Variants in SLC20A2 observed in about 807,000 individuals in gnomAD.
SLC20A2 encodes solute carrier family 20 member 2.
In SLC20A2, 30 loss-of-function variants were observed where a neutral mutation model predicts 61.0. The observed-to-expected ratio is 0.49, with a 90% CI of 0.37 to 0.67. The LOEUF (loss-of-function observed/expected upper bound fraction) is 0.67, where lower values mean the gene tolerates loss of function less well. Ranked by LOEUF, SLC20A2 falls within the 30% of genes least tolerant of loss-of-function variation. The probability of loss-of-function intolerance (pLI) is 0.00; values close to 1 mark genes in which losing one functional copy is unlikely to be tolerated. For missense variants in SLC20A2, 626 were observed against 866.4 expected, an observed-to-expected ratio of 0.72 and a Z score of 3.48; for synonymous variants, 351 against 353.3, an observed-to-expected ratio of 0.99 and a Z score of 0.07.
At chr8:42,539,228 T>C (rs1274946236) in intron 1 of SLC20A2, among the ~76,000 whole-genome samples, 2 of 152,204 alleles carry the variant, frequency 1.3e-5, no homozygotes, top group African/African-American at 4.8e-5. Flanking sequence ...AGTTCCAGCA[T>C]GCTTTTTTAA....
intron 1 of SLC20A2, among the ~76,000 whole-genome samples, chr8:42,483,772 C>T (rs908696936): frequency 6.6e-6 from 1 of 152,202 alleles, no homozygotes; most frequent in African/African-American, 2.4e-5. Flanking sequence ...CCTAGGATCA[C>T]TTGTTCCAAT....
chr8:42,492,401 T>C (rs1425787828), intron 1 of SLC20A2, among the ~76,000 whole-genome samples: 1 of 152,200 alleles, frequency 6.6e-6, no homozygotes, highest in Admixed American at 6.5e-5. Context: ...AGGTGTGTCT[T>C]CACTTCCTAA....
chr8:42,448,089 T>C (rs958879239), intron 5 of SLC20A2, among the ~76,000 whole-genome samples: 1 of 152,244 alleles, frequency 6.6e-6, no homozygotes, highest in East Asian at 1.9e-4. Context: ...AGCTGGTTCT[T>C]GCCAACTCGA....
In SLC20A2 at chr8:42,437,354, G is replaced by C; in HGVS notation, c.1158C>G (p.Tyr386Ter). 1 of 1,614,192 alleles carries C rather than the reference G, an allele frequency of 6.2e-7. No individual in the cohort carries two copies. The highest frequency in any genetic ancestry group is 8.5e-7 in the Non-Finnish European group (1 of 1,180,038). The change falls in exon 8 of 11, where the codon TAC (tyrosine) becomes TAG (stop). Residue 386 changes from tyrosine (Y) to a stop codon, truncating the protein, a stop_gained. Coordinates refer to ENST00000520262, the MANE Select transcript of SLC20A2 (RefSeq NM_001257180.2). LOFTEE classifies it high-confidence loss of function. The surrounding 1 kb of genome is among the most constrained non-coding windows in gnomAD (Gnocchi z 6.4). ...CACAAATGGCTGCGGTGTAGCAGGT[G>C]TAACTGTTGTTTCGGCGCAGCAGCC... ...NYRLLRRNNS[Y>*]TCYTAAICGL...
At chr8:42,466,817 C>T (rs1370021696) in intron 2 of SLC20A2, among the ~76,000 whole-genome samples, 1 of 151,940 alleles carries the variant, frequency 6.6e-6, no homozygotes, top group Non-Finnish European at 1.5e-5. Flanking sequence ...TACAAGTGTG[C>T]ACCACCACAC....
Position 42,501,078 on chromosome 8 carries a change from T to G in SLC20A2, c.-312A>C, listed in dbSNP as rs528436661. ...GCCACAATTCTTCAGAAGACTGCTC[T>G]CCTGATCACAAACACAATCTGAAGT... On this transcript the variant is annotated 5_prime_UTR_variant, in exon 1 of 11. Transcript: ENST00000520262. The G allele has an allele frequency of 2.4e-3, 359 of 152,298 alleles. 5 individuals are homozygous for G. The highest frequency in any genetic ancestry group is 8.2e-3 in the African/African-American group (339 of 41,566). 9.4% of individuals were successfully genotyped at this position (152,298 alleles called of 1,614,324 possible). A position where few individuals can be genotyped will look rare whatever the true frequency, so the allele number is the denominator to read the frequency against.
At chr8:42,499,021 T>C (rs1182534342) in intron 1 of SLC20A2, among the ~76,000 whole-genome samples, 2 of 152,216 alleles carry the variant, frequency 1.3e-5, no homozygotes, top group Non-Finnish European at 2.9e-5. Flanking sequence ...AGCGATTCTG[T>C]CAGAGCCTCT....
At chr8:42,505,217 T>C (rs1024310860), upstream of SLC20A2, among the ~76,000 whole-genome samples, 3 of 151,744 alleles carry the variant, frequency 2.0e-5, no homozygotes, top group Non-Finnish European at 4.4e-5. Flanking sequence ...CAAGCGATCC[T>C]CCCACCTTAG....
intron 10 of SLC20A2, among the ~76,000 whole-genome samples, chr8:42,426,332 G>A (rs752399210): frequency 6.6e-5 from 10 of 152,120 alleles, no homozygotes; most frequent in Admixed American, 2.6e-4. Flanking sequence ...ACATACAAAC[G>A]GATTAGACTG....
intron 7 of SLC20A2, 80 bp downstream of exon 7, chr8:42,439,370 C>A: frequency 7.2e-7 from 1 of 1,382,750 alleles, no homozygotes; most frequent in South Asian, 1.3e-5. Context: ...ACCAGATTGC[C>A]CACACCCAGG....
chr8:42,531,007 ACT>A (rs1199155267), intron 1 of SLC20A2, among the ~76,000 whole-genome samples: 19 of 152,192 alleles, frequency 1.2e-4, no homozygotes, highest in African/African-American at 4.1e-4. Context: ...GGGGTGAGTC[ACT>A]GAGCCCAGCC....
intron 1 of SLC20A2, among the ~76,000 whole-genome samples, chr8:42,476,686 C>T (rs1808134685): frequency 6.6e-6 from 1 of 152,218 alleles, no homozygotes; most frequent in Non-Finnish European, 1.5e-5. Context: ...CACAATTGTG[C>T]CTATGCTCTT....
chr8:42,426,332 G>T (rs752399210), intron 10 of SLC20A2, among the ~76,000 whole-genome samples: 5 of 152,120 alleles, frequency 3.3e-5, no homozygotes. Context: ...ACATACAAAC[G>T]GATTAGACTG....
chr8:42,510,837 C>T (rs1216009897), intron 1 of SLC20A2, among the ~76,000 whole-genome samples: 1 of 151,612 alleles, frequency 6.6e-6, no homozygotes, highest in African/African-American at 2.4e-5. Flanking sequence ...GCACTTACAA[C>T]AGAGCTTGGC....
At chr8:42,441,231 T>G (rs1244786069) in intron 6 of SLC20A2, among the ~76,000 whole-genome samples, 1 of 151,212 alleles carries the variant, frequency 6.6e-6, no homozygotes, top group Non-Finnish European at 1.5e-5. Flanking sequence ...CTCCGCTCAC[T>G]GTAACTTCCG....
At chr8:42,492,714 AGT>A in intron 1 of SLC20A2, among the ~76,000 whole-genome samples, 1 of 147,566 alleles carries the variant, frequency 6.8e-6, no homozygotes, top group East Asian at 2.0e-4. Flanking sequence ...TTTGAGACGG[AGT>A]TTCGCTCTGT....
chr8:42,528,235 G>A (rs138099642), intron 1 of SLC20A2, among the ~76,000 whole-genome samples: 9,998 of 152,236 alleles, frequency 0.066, 433 homozygotes, highest in Middle Eastern at 0.14. Flanking sequence ...GCCGAGGCAG[G>A]CAGATCACGA....
intron 1 of SLC20A2, among the ~76,000 whole-genome samples, chr8:42,526,646 C>T (rs1197134732): frequency 1.4e-5 from 2 of 146,036 alleles, no homozygotes; most frequent in South Asian, 2.2e-4. Context: ...GCACCCCAGC[C>T]TGGGCGACAG....
chr8:42,468,651 A>C (rs1207066613), intron 2 of SLC20A2, among the ~76,000 whole-genome samples: 1 of 152,072 alleles, frequency 6.6e-6, no homozygotes, highest in Non-Finnish European at 1.5e-5. Flanking sequence ...CGACCTAGGG[A>C]AAGTGGGGAG....
Sources: gnomAD v4.1 joint callset for allele counts (sites outside exome capture counted in the v4.1 genomes callset) on GRCh38, gnomAD v4.1.1 for gene constraint, Gnocchi (gnomAD v3.1) non-coding constraint, MANE v1.5 for transcripts, NCBI Gene and HGNC (gene_info 2026-07-23, HGNC 2026-07-21) for gene names.